VSNL1: variants seen among roughly 807,000 people sequenced by gnomAD.
VSNL1 encodes the protein visinin-like protein 1.
In VSNL1, 6 loss-of-function variants were observed where a neutral mutation model predicts 20.4. That is an observed-to-expected ratio of 0.29 (90% CI 0.16 to 0.58). The LOEUF is 0.58. VSNL1 is among the 20% of genes least tolerant of loss of function. The pLI, the probability that VSNL1 is intolerant of heterozygous loss-of-function variation, is 0.90. For synonymous variants in VSNL1, 93 were observed against 86.4 expected (o/e 1.08, Z -0.42); for missense variants, 100 against 234.5 (o/e 0.43, Z 3.75).
chr2:17,543,301 T>C (rs1057085117), intron 1 of VSNL1, among the ~76,000 whole-genome samples: 2 of 152,244 alleles, frequency 1.3e-5, no homozygotes, highest in Non-Finnish European at 2.9e-5. Context: ...CAGTTCCTGT[T>C]TGAGAACTGC....
At chr2:17,637,636 C>T (rs1665785433) in intron 2 of VSNL1, among the ~76,000 whole-genome samples, 1 of 152,212 alleles carries the variant, frequency 6.6e-6, no homozygotes, top group Non-Finnish European at 1.5e-5. Context: ...CTCTTGCTTT[C>T]TGAGGACCCA....
intron 2 of VSNL1, among the ~76,000 whole-genome samples, chr2:17,640,319 C>A (rs1484355971): frequency 1.3e-5 from 2 of 151,936 alleles, no homozygotes; most frequent in Non-Finnish European, 2.9e-5. Context: ...AAATCCTTTG[C>A]CCGAGACCAG....
chr2:17,608,461 G>A (rs6740104), intron 2 of VSNL1, among the ~76,000 whole-genome samples: 1,621 of 152,316 alleles, frequency 0.011, 14 homozygotes, highest in Admixed American at 0.033. Context: ...TGACACAGCT[G>A]GGTTGCCAGG....
intron 2 of VSNL1, among the ~76,000 whole-genome samples, chr2:17,616,251 G>T (rs917123711): frequency 6.6e-6 from 1 of 152,238 alleles, no homozygotes; most frequent in Non-Finnish European, 1.5e-5. Context: ...GTGGTGACAG[G>T]AACAAGGCAC....
intron 2 of VSNL1, among the ~76,000 whole-genome samples, chr2:17,599,581 C>G (rs1023790668): frequency 6.6e-6 from 1 of 152,154 alleles, no homozygotes; most frequent in Admixed American, 6.5e-5. Context: ...ATAGGTCTCT[C>G]CCTTGTTTCT....
chr2:17,567,353 C>CTTTTTTTTT (rs57144136), intron 1 of VSNL1: 1 of 84,554 alleles, frequency 1.2e-5, no homozygotes, highest in African/African-American at 5.0e-5. Flanking sequence ...TAGAGTCTCA[C>CTTTTTTTTT]TTTTTTTTTT....
At chr2:17,577,460 T>C (rs1664242464) in intron 1 of VSNL1, among the ~76,000 whole-genome samples, 1 of 152,208 alleles carries the variant, frequency 6.6e-6, no homozygotes, top group Admixed American at 6.5e-5. Context: ...CTTGATCATA[T>C]ATTAAGTGAG....
At chr2:17,637,759 ACACCAGTGAGAGC>A (rs758378350) in intron 2 of VSNL1, among the ~76,000 whole-genome samples, 6 of 152,340 alleles carry the variant, frequency 3.9e-5, no homozygotes, top group Non-Finnish European at 7.3e-5. Context: ...GCTCTGGCCC[ACACCAGTGAGAGC>A]AGGGCACTGT....
chr2:17,589,874 C>T (rs1664559180), intron 1 of VSNL1, among the ~76,000 whole-genome samples: 2 of 152,170 alleles, frequency 1.3e-5, no homozygotes, highest in African/African-American at 4.8e-5. Context: ...AACAAGGCAG[C>T]CAGGCTGGCA....
intron 1 of VSNL1, among the ~76,000 whole-genome samples, chr2:17,546,676 G>C (rs1264367997): frequency 6.6e-6 from 1 of 151,860 alleles, no homozygotes; most frequent in Non-Finnish European, 1.5e-5. Context: ...ATGTCCCGTT[G>C]GAGACCCATC....
chr2:17,560,272 T>C (rs1490160382), intron 1 of VSNL1, among the ~76,000 whole-genome samples: 2 of 151,484 alleles, frequency 1.3e-5, no homozygotes, highest in Non-Finnish European at 2.9e-5. Flanking sequence ...TTTTAAGTTG[T>C]TTTACATGGT....
Position 17,655,450 on chromosome 2 carries a change from G to A in VSNL1, c.*56G>A. 1 of 872,212 alleles carries A rather than the reference G, an allele frequency of 1.1e-6. No homozygotes were observed. Among genetic ancestry groups the A allele is most frequent in the East Asian group, 2.6e-5 (1 of 37,878 alleles). 54.0% of individuals were successfully genotyped at this position (872,212 alleles called of 1,614,324 possible). ...GTCTCAATGTTCCATTCAGTCTGCA[G>A]CTATTCACACACACACACACACACA... On this transcript the variant is annotated 3_prime_UTR_variant, in exon 4 of 4. Coordinates refer to ENST00000295156, the MANE Select transcript of VSNL1 (RefSeq NM_003385.5). The surrounding 1 kb of genome is among the most constrained non-coding windows in gnomAD (Gnocchi z 5.2).
intron 1 of VSNL1, among the ~76,000 whole-genome samples, chr2:17,581,563 T>C (rs1420732658): frequency 6.6e-6 from 1 of 152,226 alleles, no homozygotes; most frequent in Non-Finnish European, 1.5e-5. Flanking sequence ...CCTTTGTATA[T>C]ATGTCTTAAC....
intron 3 of VSNL1, among the ~76,000 whole-genome samples, chr2:17,653,575 G>A (rs970717739): frequency 6.6e-6 from 1 of 152,182 alleles, no homozygotes; most frequent in Admixed American, 6.5e-5. Context: ...GCCTCTTTTA[G>A]AGACAACTTT....
intron 2 of VSNL1, among the ~76,000 whole-genome samples, chr2:17,593,556 G>A (rs924620624): frequency 6.6e-6 from 1 of 151,960 alleles, no homozygotes; most frequent in Middle Eastern, 3.2e-3. Context: ...TGAAATTGGG[G>A]GTATGGCCAT....
chr2:17,540,634 G>C (rs1253508029), upstream of VSNL1: 1 of 152,774 alleles, frequency 6.5e-6, no homozygotes, highest in Non-Finnish European at 1.5e-5. Flanking sequence ...TGCCTGGAGA[G>C]GCGGAGGCTC....
chr2:17,641,955 T>G (rs911549378), intron 2 of VSNL1, among the ~76,000 whole-genome samples: 18 of 152,158 alleles, frequency 1.2e-4, no homozygotes, highest in Admixed American at 7.2e-4. Context: ...GAAAGTAACA[T>G]CCCTTCTTTT....
At chr2:17,603,217 A>T (rs1031480554) in intron 2 of VSNL1, among the ~76,000 whole-genome samples, 2 of 152,208 alleles carry the variant, frequency 1.3e-5, no homozygotes, top group African/African-American at 4.8e-5. Context: ...TAAACCAAGT[A>T]GTGATAAACA....
At chr2:17,611,227 A>T (rs187969233) in intron 2 of VSNL1, among the ~76,000 whole-genome samples, 1 of 152,346 alleles carries the variant, frequency 6.6e-6, no homozygotes, top group East Asian at 1.9e-4. Context: ...CATTTTACAG[A>T]TGAGGCAATC....
Sources: gnomAD v4.1 joint callset for allele counts (sites outside exome capture counted in the v4.1 genomes callset) on GRCh38, gnomAD v4.1.1 for gene constraint, Gnocchi (gnomAD v3.1) non-coding constraint, MANE v1.5 for transcripts, NCBI Gene and HGNC (gene_info 2026-07-23, HGNC 2026-07-21) for gene names.